CSMD1: variants seen among roughly 807,000 people sequenced by gnomAD.
The protein encoded by CSMD1 is CUB and Sushi multiple domains 1, also known as CUB and sushi domain-containing protein 1.
A neutral mutation model predicts 417.5 loss-of-function variants in CSMD1; 213 were observed. The ratio of observed to expected loss-of-function variants is 0.51; its 90% CI spans 0.46 to 0.57. The LOEUF is 0.57. Ranked by LOEUF, CSMD1 falls within the 20% of genes least tolerant of loss-of-function variation. The probability of loss-of-function intolerance (pLI) is 0.00; values close to 1 mark genes in which losing one functional copy is unlikely to be tolerated. For missense variants in CSMD1, 6,923 were observed against 4,529.7 expected, an observed-to-expected ratio of 1.53 and a Z score of -15.17; for synonymous variants, 2,862 against 1,736.8, an observed-to-expected ratio of 1.65 and a Z score of -16.11.
At chr8:4,631,699 C>G (rs538678368) in intron 2 of CSMD1, among the ~76,000 whole-genome samples, 11 of 152,194 alleles carry the variant, frequency 7.2e-5, no homozygotes. Flanking sequence ...AACTGGAAAA[C>G]CTATTCTATT....
chr8:4,185,507 A>C (rs917853096), intron 3 of CSMD1, among the ~76,000 whole-genome samples: 1 of 152,166 alleles, frequency 6.6e-6, no homozygotes. Flanking sequence ...CGAAAACACT[A>C]TTCTGCTAAT....
chr8:3,241,362 G>C (rs967221225), intron 26 of CSMD1, among the ~76,000 whole-genome samples: 3 of 152,010 alleles, frequency 2.0e-5, no homozygotes, highest in South Asian at 2.1e-4. Flanking sequence ...ATGTGGAGTG[G>C]GTAGCCTCCA....
chr8:4,866,020 G>C (rs1455445225), intron 1 of CSMD1, among the ~76,000 whole-genome samples: 4 of 151,828 alleles, frequency 2.6e-5, no homozygotes, highest in East Asian at 1.9e-4. Flanking sequence ...TAAAAGGCTG[G>C]TATTATGTCA....
In CSMD1 at chr8:4,904,103, C is replaced by T. The variant is rs75149277; in HGVS notation, c.85+90229G>A. Among the ~76,000 whole-genome samples, 23 of 152,190 alleles carry T rather than the reference C, an allele frequency of 1.5e-4. 1 individual carries two copies. The highest frequency in any genetic ancestry group is 1.3e-4 in the Admixed American group (2 of 15,284). On this transcript the variant is annotated intron_variant, in intron 1 of 69. Coordinates refer to ENST00000635120, the MANE Select transcript of CSMD1 (RefSeq NM_033225.6). ...GAAAAGAACCAGGATAGGATAGGCT[C>T]GAATTCCAATGTATGTTAGAATCAT...
intron 67 of CSMD1, 141 bp from the exon 68 acceptor site, chr8:2,949,527 C>T (rs1802482847): frequency 2.2e-6 from 1 of 453,294 alleles, no homozygotes; most frequent in Non-Finnish European, 3.8e-6. Flanking sequence ...TTTGCCATGG[C>T]TTTTGGTGAC....
chr8:3,237,015 T>A (rs1458533793), intron 26 of CSMD1, among the ~76,000 whole-genome samples: 2 of 152,028 alleles, frequency 1.3e-5, no homozygotes, highest in South Asian at 4.1e-4. Flanking sequence ...CCAGTCAGCT[T>A]GAGCAACAAA....
intron 7 of CSMD1, among the ~76,000 whole-genome samples, chr8:3,679,224 C>T (rs535992466): frequency 6.6e-6 from 1 of 152,058 alleles, no homozygotes; most frequent in Non-Finnish European, 1.5e-5. Flanking sequence ...GCTCCAATTA[C>T]AAGACGCAGA....
At chr8:3,657,416 C>T (rs528773638) in intron 7 of CSMD1, among the ~76,000 whole-genome samples, 4 of 151,972 alleles carry the variant, frequency 2.6e-5, no homozygotes, top group African/African-American at 9.6e-5. Flanking sequence ...GCAGCAGGTG[C>T]AAACTAAGAA....
rs923860609 is a variant in CSMD1, at chr8:3,063,643, T to G, written c.7475-10996A>C. The stretch of plus-strand genomic sequence containing the variant: ...GCCTCTACACACAGTGGGTTATTAC[T>G]CAGTCTTAAAAAGGAAGGGAATTCT... On this transcript the variant is annotated intron_variant, in intron 49 of 69. Coordinates refer to ENST00000635120, the MANE Select transcript of CSMD1 (RefSeq NM_033225.6). Among the ~76,000 whole-genome samples the G allele has an allele frequency of 4.6e-5, 7 of 152,312 alleles. No homozygotes were observed. In the East Asian group the frequency reaches 1.4e-3, roughly 29 times the overall value.
intron 1 of CSMD1, among the ~76,000 whole-genome samples, chr8:4,917,365 C>T (rs117773530): frequency 0.028 from 4,222 of 152,222 alleles, 58 homozygotes; most frequent in Middle Eastern, 0.065. Flanking sequence ...CAGGGTGCGG[C>T]GGCTCACGCC....
intron 7 of CSMD1, among the ~76,000 whole-genome samples, chr8:3,670,827 T>A (rs1222756005): frequency 6.6e-6 from 1 of 150,504 alleles, no homozygotes; most frequent in South Asian, 2.1e-4. Context: ...GATATATGTA[T>A]AGGGGATATA....
At chr8:4,810,037 A>T (rs1157440897) in intron 1 of CSMD1, among the ~76,000 whole-genome samples, 1 of 152,240 alleles carries the variant, frequency 6.6e-6, no homozygotes, top group Admixed American at 6.5e-5. Context: ...GGGTTAGCTC[A>T]ATATAAATGT....
intron 12 of CSMD1, among the ~76,000 whole-genome samples, chr8:3,460,508 G>A (rs1008433733): frequency 9.9e-5 from 15 of 152,056 alleles, no homozygotes; most frequent in African/African-American, 3.1e-4. Context: ...CTGTGTGTGA[G>A]CAAAATAGAA....
intron 2 of CSMD1, among the ~76,000 whole-genome samples, chr8:4,426,929 G>C (rs939953196): frequency 3.3e-5 from 5 of 151,838 alleles, no homozygotes; most frequent in Non-Finnish European, 7.4e-5. Flanking sequence ...ATATAGAAGA[G>C]AAATTATGGT....
At chr8:3,016,516 C>A (rs954429715) in intron 52 of CSMD1, among the ~76,000 whole-genome samples, 2 of 152,152 alleles carry the variant, frequency 1.3e-5, no homozygotes, top group African/African-American at 4.8e-5. Flanking sequence ...GAATCTCAAC[C>A]CTTTCCGTTA....
intron 4 of CSMD1, among the ~76,000 whole-genome samples, chr8:4,000,507 C>A (rs1170274083): frequency 6.6e-6 from 1 of 152,216 alleles, no homozygotes; most frequent in Non-Finnish European, 1.5e-5. Flanking sequence ...CAGAATTCAG[C>A]TCTAAGCCCC....
intron 1 of CSMD1, among the ~76,000 whole-genome samples, chr8:4,931,399 ACT>A (rs1406201427): frequency 6.6e-6 from 1 of 152,198 alleles, no homozygotes; most frequent in East Asian, 1.9e-4. Context: ...CCTGAGTGAC[ACT>A]GACTCGGGTC....
intron 5 of CSMD1, among the ~76,000 whole-genome samples, chr8:3,939,938 C>G (rs534998746): frequency 6.6e-6 from 1 of 151,658 alleles, no homozygotes; most frequent in Admixed American, 6.6e-5. Flanking sequence ...ACAGGTGCAC[C>G]GAATCTCAGA....
intron 3 of CSMD1, among the ~76,000 whole-genome samples, chr8:4,215,620 G>A (rs777317568): frequency 2.3e-4 from 35 of 151,764 alleles, no homozygotes; most frequent in Non-Finnish European, 4.9e-4. Flanking sequence ...TGTTTACTTT[G>A]AACATAAATT....
Sources: allele counts gnomAD v4.1 joint callset (sites outside exome capture counted in the v4.1 genomes callset), GRCh38; gene constraint gnomAD v4.1.1; transcripts MANE v1.5; gene names NCBI Gene and HGNC (gene_info 2026-07-23, HGNC 2026-07-21).